CORO2B: variants seen among roughly 807,000 people sequenced by gnomAD.
The protein encoded by CORO2B is coronin 2B, also known as coronin-2B.
A neutral mutation model predicts 58.8 loss-of-function variants in CORO2B; 26 were observed. The observed-to-expected ratio is 0.44, with a 90% CI of 0.32 to 0.61. CORO2B has a LOEUF of 0.61. Among genes scored for constraint, CORO2B ranks in the 20% least tolerant of loss-of-function variants. CORO2B has a pLI of 0.04. For missense variants in CORO2B, 460 were observed against 645.1 expected (o/e 0.71, Z 3.11); for synonymous variants, 242 against 253.8 (o/e 0.95, Z 0.44).
intron 6 of CORO2B, 52 bp downstream of exon 6, chr15:68,714,093 T>C: frequency 8.2e-7 from 1 of 1,217,066 alleles, no homozygotes; most frequent in Non-Finnish European, 1.2e-6. Flanking sequence ...CATCGTTGCC[T>C]CGGAGGTCAC....
the CORO2B span, among the ~76,000 whole-genome samples, chr15:68,519,594 T>G: frequency 7.2e-5 from 11 of 152,234 alleles, no homozygotes; most frequent in African/African-American, 2.7e-4. Context: ...TTTATCAATT[T>G]CATTAGTCTT....
At chr15:68,700,232 T>C (rs747870025) in intron 3 of CORO2B, among the ~76,000 whole-genome samples, 9 of 152,202 alleles carry the variant, frequency 5.9e-5, no homozygotes, top group Non-Finnish European at 1.0e-4. Context: ...AGCTGCTGTG[T>C]GTGCCAGGCA....
chr15:68,534,250 A>T, the CORO2B span, among the ~76,000 whole-genome samples: 1 of 152,094 alleles, frequency 6.6e-6, no homozygotes, highest in Non-Finnish European at 1.5e-5. Flanking sequence ...ACATGCATGG[A>T]TGTGTACACA....
At chr15:68,702,821 C>CTTTTTTTTTTTTTTTTTTT (rs113249272) in intron 3 of CORO2B, among the ~76,000 whole-genome samples, 16 of 96,262 alleles carry the variant, frequency 1.7e-4, no homozygotes, top group African/African-American at 2.3e-4. Context: ...TTTTCTTTTT[C>CTTTTTTTTTTTTTTTTTTT]TTTTTTTTTT....
At chr15:68,716,255 C>A (rs1195210885) in intron 8 of CORO2B, among the ~76,000 whole-genome samples, 3 of 152,230 alleles carry the variant, frequency 2.0e-5, no homozygotes, top group African/African-American at 7.2e-5. Context: ...GGAGTCAGAC[C>A]TGGGTTTACA....
At chr15:68,544,404 G>A in the CORO2B span, among the ~76,000 whole-genome samples, 11 of 152,160 alleles carry the variant, frequency 7.2e-5, no homozygotes, top group Non-Finnish European at 1.0e-4. Context: ...GGGTCTGAGC[G>A]ACTCACTAAG....
At chr15:68,652,885 G>A (rs942388630) in intron 2 of CORO2B, among the ~76,000 whole-genome samples, 17 of 152,156 alleles carry the variant, frequency 1.1e-4, no homozygotes, top group African/African-American at 3.9e-4. Context: ...AGGTTTAGAG[G>A]GAAGCATTTC....
At chr15:68,670,655 A>G in intron 2 of CORO2B, among the ~76,000 whole-genome samples, 1 of 152,268 alleles carries the variant, frequency 6.6e-6, no homozygotes, top group East Asian at 1.9e-4. Flanking sequence ...TGAGGACCTC[A>G]TAGAATCAGA....
At chr15:68,575,376 C>T (rs1397143783), upstream of CORO2B, among the ~76,000 whole-genome samples, 1 of 149,848 alleles carries the variant, frequency 6.7e-6, no homozygotes, top group East Asian at 2.0e-4. Flanking sequence ...CTTCGTCTGT[C>T]ACTCAGGCTG....
intron 3 of CORO2B, among the ~76,000 whole-genome samples, chr15:68,706,961 C>T (rs865875537): frequency 1.3e-4 from 20 of 152,240 alleles, no homozygotes; most frequent in Non-Finnish European, 2.1e-4. Flanking sequence ...AATCCTCCCA[C>T]CTAGGCTTCT....
At chr15:68,675,481 TGAG>T (rs1403348894) in intron 2 of CORO2B, among the ~76,000 whole-genome samples, 7 of 152,042 alleles carry the variant, frequency 4.6e-5, no homozygotes, top group South Asian at 2.1e-4. Context: ...AATGGGGACT[TGAG>T]GAGGTAGGAG....
At chr15:68,632,875 A>G (rs1259047099) in intron 1 of CORO2B, among the ~76,000 whole-genome samples, 1 of 152,242 alleles carries the variant, frequency 6.6e-6, no homozygotes, top group African/African-American at 2.4e-5. Flanking sequence ...TACAGGCGTG[A>G]GCCACCACAC....
intron 1 of CORO2B, among the ~76,000 whole-genome samples, chr15:68,603,421 G>A (rs563576836): frequency 6.6e-6 from 1 of 152,138 alleles, no homozygotes; most frequent in Non-Finnish European, 1.5e-5. Context: ...GAGCCTTCGT[G>A]GAGGACAAAC....
intron 1 of CORO2B, among the ~76,000 whole-genome samples, chr15:68,588,786 A>T (rs765830652): frequency 1.1e-4 from 17 of 152,334 alleles, no homozygotes; most frequent in Non-Finnish European, 2.4e-4. Flanking sequence ...GGAACGGCTG[A>T]TGGAAAGAAA....
At chr15:68,650,405 A>T (rs1414746863) in intron 2 of CORO2B, among the ~76,000 whole-genome samples, 1 of 120,768 alleles carries the variant, frequency 8.3e-6, no homozygotes, top group Non-Finnish European at 1.7e-5. Context: ...AAAAAAAAAA[A>T]ATGGAGACAT....
chr15:68,725,747 C>T (rs1893279012), intron 11 of CORO2B, 96 bp from the exon 12 acceptor site: 2 of 1,517,962 alleles, frequency 1.3e-6, no homozygotes, highest in Non-Finnish European at 8.9e-7. Context: ...AATGTGAGGG[C>T]ACGGGCGGCA....
intron 1 of CORO2B, among the ~76,000 whole-genome samples, chr15:68,584,657 T>C (rs1899507640): frequency 6.6e-6 from 1 of 152,170 alleles, no homozygotes; most frequent in South Asian, 2.1e-4. Context: ...CCACAGAGCT[T>C]ATCTGGTGTC....
chr15:68,623,747 C>T (rs12904642), intron 1 of CORO2B, among the ~76,000 whole-genome samples: 22,355 of 152,154 alleles, frequency 0.15, 1,788 homozygotes, highest in African/African-American at 0.2. Flanking sequence ...TGAGGATTAC[C>T]GCATGCTGGA....
At chr15:68,658,084 G>T (rs930984087) in intron 2 of CORO2B, among the ~76,000 whole-genome samples, 1 of 152,188 alleles carries the variant, frequency 6.6e-6, no homozygotes, top group African/African-American at 2.4e-5. Flanking sequence ...TTGTAACCTT[G>T]GGTGAGTTCC....
Sources: gnomAD v4.1 joint callset for allele counts (sites outside exome capture counted in the v4.1 genomes callset) on GRCh38, gnomAD v4.1.1 for gene constraint, MANE v1.5 for transcripts, NCBI Gene and HGNC (gene_info 2026-07-23, HGNC 2026-07-21) for gene names.